PRKACB: variants seen among roughly 807,000 people sequenced by gnomAD.
PRKACB encodes the protein protein kinase cAMP-activated catalytic subunit beta.
A neutral mutation model predicts 51.4 loss-of-function variants in PRKACB; 16 were observed. That is an observed-to-expected ratio of 0.31 (90% confidence interval 0.21 to 0.47). The LOEUF (loss-of-function observed/expected upper bound fraction) is 0.47. Among genes scored for constraint, PRKACB ranks in the 20% least tolerant of loss-of-function variants. The probability of loss-of-function intolerance (pLI) is 1.00; values close to 1 mark genes in which losing one functional copy is unlikely to be tolerated. For synonymous variants in PRKACB, 147 were observed against 154.4 expected (o/e 0.95, Z 0.35); for missense variants, 309 against 464.5 (o/e 0.67, Z 3.08).
intron 5 of PRKACB, among the ~76,000 whole-genome samples, chr1:84,187,599 C>T (rs1178770605): frequency 1.3e-5 from 2 of 152,016 alleles, no homozygotes; most frequent in East Asian, 1.9e-4. Context: ...AGGAACAGAG[C>T]GGTTCTCATT....
intron 1 of PRKACB, among the ~76,000 whole-genome samples, chr1:84,100,138 A>T (rs946258964): frequency 2.6e-5 from 4 of 152,194 alleles, no homozygotes; most frequent in African/African-American, 9.7e-5. Flanking sequence ...GAAAGCAGAC[A>T]TCTTCTTCAC....
intron 1 of PRKACB, among the ~76,000 whole-genome samples, chr1:84,145,126 A>G (rs897180359): frequency 2.0e-5 from 3 of 152,170 alleles, no homozygotes; most frequent in Non-Finnish European, 2.9e-5. Context: ...ATTTATACAT[A>G]TGACTCAAAT....
chr1:84,086,945 A>G (rs1381895400), intron 1 of PRKACB, among the ~76,000 whole-genome samples: 5 of 152,248 alleles, frequency 3.3e-5, no homozygotes, highest in African/African-American at 1.2e-4. Context: ...AACAAATCAG[A>G]CAATAAAGCA....
At chr1:84,188,066 T>C (rs1262325768) in intron 5 of PRKACB, among the ~76,000 whole-genome samples, 1 of 152,096 alleles carries the variant, frequency 6.6e-6, no homozygotes, top group Non-Finnish European at 1.5e-5. Flanking sequence ...TAAAAGTACT[T>C]ACAACTAATT....
chr1:84,135,236 C>A (rs1427129004), intron 1 of PRKACB, among the ~76,000 whole-genome samples: 1 of 152,112 alleles, frequency 6.6e-6, no homozygotes, highest in Non-Finnish European at 1.5e-5. Flanking sequence ...TCTTATCAAT[C>A]CTAAATATAT....
chr1:84,129,888 C>A (rs1035093922), intron 1 of PRKACB, among the ~76,000 whole-genome samples: 2 of 152,192 alleles, frequency 1.3e-5, no homozygotes, highest in Non-Finnish European at 2.9e-5. Flanking sequence ...TCAAGGCAGT[C>A]AGAATTCCAG....
intron 6 of PRKACB, among the ~76,000 whole-genome samples, chr1:84,197,384 A>G (rs1668514342): frequency 6.6e-6 from 1 of 152,194 alleles, no homozygotes; most frequent in African/African-American, 2.4e-5. Context: ...ACATTGGGGT[A>G]AGGCAGACAT....
chr1:84,206,666 C>CCT (rs924669338), intron 8 of PRKACB, among the ~76,000 whole-genome samples: 12 of 152,116 alleles, frequency 7.9e-5, no homozygotes, highest in African/African-American at 2.9e-4. Flanking sequence ...ACATATGCAC[C>CCT]CTCTGCCTAG....
chr1:84,221,366 C>A (rs1673685205), intron 9 of PRKACB, among the ~76,000 whole-genome samples: 1 of 151,240 alleles, frequency 6.6e-6, no homozygotes. Context: ...AGCAGTTTAT[C>A]AATTTTGGTT....
chr1:84,135,767 G>A (rs960113050), intron 1 of PRKACB, among the ~76,000 whole-genome samples: 2 of 152,016 alleles, frequency 1.3e-5, no homozygotes, highest in African/African-American at 4.8e-5. Flanking sequence ...TAAAGGCAGT[G>A]CTTAGGGGAA....
upstream of PRKACB, among the ~76,000 whole-genome samples, chr1:84,140,016 C>A (rs1558006336): frequency 6.6e-6 from 1 of 151,990 alleles, no homozygotes; most frequent in African/African-American, 2.4e-5. Flanking sequence ...GTCGAAATGA[C>A]ACCACTGCAC....
chr1:84,106,159 G>A (rs1009481916), intron 1 of PRKACB, among the ~76,000 whole-genome samples: 1 of 152,032 alleles, frequency 6.6e-6, no homozygotes, highest in African/African-American at 2.4e-5. Flanking sequence ...AGGCGCCCTG[G>A]AACCAATCTC....
At chr1:84,184,165 T>C (rs777028223) in intron 4 of PRKACB, 30 bp downstream of exon 4, 3 of 1,557,978 alleles carry the variant, frequency 1.9e-6, no homozygotes, top group African/African-American at 2.8e-5. Context: ...AAATAAGATA[T>C]TTTCAACCTA....
intron 5 of PRKACB, among the ~76,000 whole-genome samples, chr1:84,191,998 A>G (rs927312536): frequency 6.6e-6 from 1 of 152,128 alleles, no homozygotes; most frequent in Non-Finnish European, 1.5e-5. Context: ...ACAGCATACA[A>G]TATATGTACA....
intron 1 of PRKACB, among the ~76,000 whole-genome samples, chr1:84,147,749 AG>A (rs1238697967): frequency 6.6e-6 from 1 of 152,062 alleles, no homozygotes; most frequent in East Asian, 1.9e-4. Flanking sequence ...CTAGAGAAGA[AG>A]GTTATTTTAA....
At chr1:84,155,450 A>G (rs1048305387) in intron 1 of PRKACB, among the ~76,000 whole-genome samples, 6 of 152,324 alleles carry the variant, frequency 3.9e-5, no homozygotes, top group African/African-American at 9.6e-5. Context: ...ATCCAAAGCG[A>G]TCTACAGATT....
intron 1 of PRKACB, among the ~76,000 whole-genome samples, chr1:84,096,206 G>T (rs1648916292): frequency 6.6e-6 from 1 of 151,998 alleles, no homozygotes; most frequent in Non-Finnish European, 1.5e-5. Flanking sequence ...TTGACTGAAG[G>T]CCTGGTGGTG....
chr1:84,228,389 C>A (rs992327086), intron 9 of PRKACB, among the ~76,000 whole-genome samples: 1 of 152,148 alleles, frequency 6.6e-6, no homozygotes, highest in African/African-American at 2.4e-5. Context: ...TTTGGTCAAT[C>A]GACTCTTTTA....
intron 1 of PRKACB, among the ~76,000 whole-genome samples, chr1:84,146,418 CT>C (rs1190161018): frequency 6.6e-6 from 1 of 151,848 alleles, no homozygotes; most frequent in African/African-American, 2.4e-5. Context: ...GGAGAAAACA[CT>C]GATAGAGCTG....
Sources: gnomAD v4.1 joint callset for allele counts (sites outside exome capture counted in the v4.1 genomes callset) on GRCh38, gnomAD v4.1.1 for gene constraint, MANE v1.5 for transcripts, NCBI Gene and HGNC (gene_info 2026-07-23, HGNC 2026-07-21) for gene names.